The following NELL1 variants were observed in gnomAD, a reference collection of about 807,000 sequenced individuals.
NELL1 encodes the protein protein kinase C-binding protein NELL1.
A neutral mutation model predicts 107.4 loss-of-function variants in NELL1; 76 were observed. The ratio of observed to expected loss-of-function variants is 0.71; its 90% CI spans 0.59 to 0.86. The LOEUF (loss-of-function observed/expected upper bound fraction) is 0.86. Among genes scored for constraint, NELL1 ranks in the 40% least tolerant of loss-of-function variants. The probability of loss-of-function intolerance (pLI) is 0.00; values close to 1 mark genes in which losing one functional copy is unlikely to be tolerated. For missense variants in NELL1, 1,024 were observed against 1,005.5 expected, an observed-to-expected ratio of 1.02 and a Z score of -0.25; for synonymous variants, 353 against 341.2, an observed-to-expected ratio of 1.03 and a Z score of -0.38.
At chr11:20,944,604 A>C (rs1301962515) in intron 10 of NELL1, among the ~76,000 whole-genome samples, 1 of 152,210 alleles carries the variant, frequency 6.6e-6, no homozygotes, top group Non-Finnish European at 1.5e-5. Flanking sequence ...CAGGGGTCAT[A>C]AAATAACATA....
At chr11:20,769,770 C>G (rs573367027) in intron 2 of NELL1, among the ~76,000 whole-genome samples, 2 of 152,238 alleles carry the variant, frequency 1.3e-5, no homozygotes, top group South Asian at 2.1e-4. Context: ...CGGAGCCCCC[C>G]ACTTGTGCCT....
At chr11:21,550,585 T>G (rs1015456636) in intron 16 of NELL1, among the ~76,000 whole-genome samples, 11 of 152,066 alleles carry the variant, frequency 7.2e-5, no homozygotes, top group African/African-American at 2.7e-4. Context: ...CAGCACCATT[T>G]ATTAAATAGG....
chr11:20,807,054 GT>G (rs113224546), intron 3 of NELL1, among the ~76,000 whole-genome samples: 3,060 of 143,382 alleles, frequency 0.021, 97 homozygotes, highest in African/African-American at 0.07. Flanking sequence ...GCATTATTTA[GT>G]TTTTTTTTTT....
intron 16 of NELL1, among the ~76,000 whole-genome samples, chr11:21,544,207 T>A (rs1856371018): frequency 6.6e-6 from 1 of 151,952 alleles, no homozygotes; most frequent in Non-Finnish European, 1.5e-5. Context: ...TACAAAAACC[T>A]TCACAAGTAT....
chr11:21,173,320 C>T lies in NELL1; in HGVS notation c.1427-56012C>T, dbSNP rs546677139. On this transcript the variant is annotated intron_variant, in intron 13 of 19. Coordinates refer to ENST00000357134, the MANE Select transcript of NELL1 (RefSeq NM_006157.5). ...TTATAGACTCTGGCACATTTTCTGGCAATATCAATCTAACTCCTAGTTCTC... is the reference window on the plus strand; with the variant it reads ...TTATAGACTCTGGCACATTTTCTGGTAATATCAATCTAACTCCTAGTTCTC... Among the ~76,000 whole-genome samples, 395 of 151,844 alleles carry T rather than the reference C, an allele frequency of 2.6e-3. 9 individuals carry two copies. The highest frequency in any genetic ancestry group is 9.3e-3 in the African/African-American group (383 of 41,194).
In NELL1 at chr11:20,847,742, C is replaced by T. The variant is rs768912184; in HGVS notation, c.495C>T (p.Val165=). ...SVSASHLLLH[V]DCNRIYERVI... ...GCGCCTCTCATCTCCTGCTCCATGTCGACTGTAACAGGTATTTCTTTGTCT... is the reference window on the plus strand; with the variant it reads ...GCGCCTCTCATCTCCTGCTCCATGTTGACTGTAACAGGTATTTCTTTGTCT... Residue 165 remains valine (V), a synonymous_variant, in exon 4 of 20, where the codon GTC becomes GTT. Transcript: ENST00000357134. 1.1e-5 allele frequency: 18 copies of T among 1,610,772 alleles called. No homozygotes were observed. The highest frequency in any genetic ancestry group is 1.0e-4 in the Admixed American group (6 of 59,532).
Position 21,575,266 on chromosome 11 carries a change from A to G in NELL1, c.*244A>G. The G allele has an allele frequency of 2.2e-6, 1 of 455,044 alleles. No homozygotes were observed. Among genetic ancestry groups the G allele is most frequent in the South Asian group, 3.5e-5 (1 of 28,218 alleles). 28.2% of individuals were successfully genotyped at this position (455,044 alleles called of 1,614,324 possible). Reference sequence around the variant, plus strand: ...CATTTAAGTCAATGGTTGTTAAAAGAAGTTTCCCGTGTTGTAAATCATGTT... The same window carrying G: ...CATTTAAGTCAATGGTTGTTAAAAGGAGTTTCCCGTGTTGTAAATCATGTT... On this transcript the variant is annotated 3_prime_UTR_variant, in exon 20 of 20. Coordinates refer to ENST00000357134, the MANE Select transcript of NELL1 (RefSeq NM_006157.5).
At position 21,354,863 on chromosome 11, in the gene NELL1, T is replaced by C. The variant is rs377733245; in HGVS notation, c.1550-15990T>C. On this transcript the variant is annotated intron_variant, in intron 14 of 19. Transcript: ENST00000357134. ...TGGAATTTATCTCTTTAAAAGTCTC[T>C]AGACTGTGACCTCCAGGGCTAATAT... 1.8e-3 allele frequency among the ~76,000 whole-genome samples: 266 copies of C among 144,108 alleles called. 9 individuals carry two copies. The South Asian group carries it at 0.052, about 28-fold the overall frequency. 94.5% of individuals were successfully genotyped at this position (144,108 alleles called of 152,430 possible). A position where few individuals can be genotyped will look rare whatever the true frequency, so the allele number is the denominator to read the frequency against.
At chr11:20,741,651 G>A (rs2133934456) in intron 2 of NELL1, among the ~76,000 whole-genome samples, 1 of 152,268 alleles carries the variant, frequency 6.6e-6, no homozygotes, top group African/African-American at 2.4e-5. Flanking sequence ...GGGATTGCTA[G>A]TGGTACTGGG....
At chr11:21,480,444 G>A (rs1854463809) in intron 15 of NELL1, among the ~76,000 whole-genome samples, 1 of 152,158 alleles carries the variant, frequency 6.6e-6, no homozygotes, top group Non-Finnish European at 1.5e-5. Context: ...GAACCTGACT[G>A]TCTCACAACC....
At chr11:20,833,000 G>A (rs1172486374) in intron 3 of NELL1, among the ~76,000 whole-genome samples, 2 of 152,162 alleles carry the variant, frequency 1.3e-5, no homozygotes, top group Non-Finnish European at 2.9e-5. Flanking sequence ...TGCTAATGAT[G>A]TCAGCCTTCC....
At chr11:21,115,399 T>A (rs942657366) in intron 13 of NELL1, among the ~76,000 whole-genome samples, 1 of 150,912 alleles carries the variant, frequency 6.6e-6, no homozygotes, top group Admixed American at 6.6e-5. Context: ...GTTGTGTGTG[T>A]GCCTAAGAGG....
rs748715278 is a variant in NELL1, at chr11:20,927,337, A to G, written c.789A>G (p.Gln263=). ...ATTATGCAGAGACAAGACTTAGTCA[A>G]TTGGAAAACTGTCATTGTGAGAAGA... ...KLNYAETRLS[Q]LENCHCEKTC... The change falls in exon 8 of 20, where the codon CAA becomes CAG. Residue 263 remains glutamine (Q), a synonymous_variant. Transcript: ENST00000357134. 13 of 1,612,560 alleles carry G rather than the reference A, an allele frequency of 8.1e-6. No homozygotes were observed. The highest frequency in any genetic ancestry group is 1.1e-5 in the South Asian group (1 of 90,590).
chr11:20,902,234 A>C, intron 5 of NELL1, among the ~76,000 whole-genome samples: 1 of 152,092 alleles, frequency 6.6e-6, no homozygotes, highest in East Asian at 1.9e-4. Context: ...TTAGCAAAAA[A>C]AAAGTATTCA....
intron 4 of NELL1, among the ~76,000 whole-genome samples, chr11:20,869,887 T>G (rs1460122688): frequency 6.6e-6 from 1 of 152,186 alleles, no homozygotes; most frequent in African/African-American, 2.4e-5. Flanking sequence ...ATGCTCTAGT[T>G]GTAAGTAACA....
At chr11:21,154,645 G>T (rs1856191564) in intron 13 of NELL1, among the ~76,000 whole-genome samples, 1 of 152,100 alleles carries the variant, frequency 6.6e-6, no homozygotes, top group Non-Finnish European at 1.5e-5. Flanking sequence ...CATGAAGGAG[G>T]AGAGATTAAT....
intron 5 of NELL1, among the ~76,000 whole-genome samples, chr11:20,910,191 C>G (rs369335747): frequency 1.3e-5 from 2 of 152,138 alleles, no homozygotes; most frequent in African/African-American, 4.8e-5. Flanking sequence ...ATCTAACAGG[C>G]CAGCCTGGGC....
intron 5 of NELL1, among the ~76,000 whole-genome samples, chr11:20,895,594 C>T (rs1849718744): frequency 6.6e-6 from 1 of 151,364 alleles, no homozygotes; most frequent in South Asian, 2.1e-4. Flanking sequence ...CAACCTCCGC[C>T]CCTCCAGGTT....
chr11:20,858,017 T>A (rs897028876), intron 4 of NELL1, among the ~76,000 whole-genome samples: 1 of 152,282 alleles, frequency 6.6e-6, no homozygotes, highest in African/African-American at 2.4e-5. Context: ...ACAGTTGTCA[T>A]GTGCACAGCT....
Sources: allele counts gnomAD v4.1 joint callset (sites outside exome capture counted in the v4.1 genomes callset), GRCh38; gene constraint gnomAD v4.1.1; transcripts MANE v1.5; gene names NCBI Gene and HGNC (gene_info 2026-07-23, HGNC 2026-07-21).